ADK: variants seen among roughly 807,000 people sequenced by gnomAD.
The protein encoded by ADK is N6,N6-dimethyladenosine kinase.
In ADK, 24 loss-of-function variants were observed where a neutral mutation model predicts 44.7. That is an observed-to-expected ratio of 0.54 (90% CI 0.39 to 0.76). The LOEUF (loss-of-function observed/expected upper bound fraction) is 0.76. ADK is among the 30% of genes least tolerant of loss of function. The pLI is 0.00. For synonymous variants in ADK, 128 were observed against 142.6 expected, an observed-to-expected ratio of 0.90 and a Z score of 0.73; for missense variants, 321 against 425.1, an observed-to-expected ratio of 0.76 and a Z score of 2.15.
chr10:74,356,443 C>T (rs1300857566), intron 4 of ADK, among the ~76,000 whole-genome samples: 3 of 152,098 alleles, frequency 2.0e-5, no homozygotes, highest in East Asian at 3.8e-4. Context: ...TTAAAATCAC[C>T]GTGAAATAGA....
At chr10:74,191,731 T>C (rs538398702) in intron 1 of ADK, among the ~76,000 whole-genome samples, 4 of 152,222 alleles carry the variant, frequency 2.6e-5, no homozygotes, top group Admixed American at 6.5e-5. Flanking sequence ...GATTTCGGTG[T>C]TATACAATAG....
intron 6 of ADK, among the ~76,000 whole-genome samples, chr10:74,442,411 C>T (rs1381029748): frequency 2.0e-5 from 3 of 152,108 alleles, no homozygotes; most frequent in Non-Finnish European, 2.9e-5. Context: ...TGTGGAAGGC[C>T]GAAGTGGGCG....
intron 7 of ADK, among the ~76,000 whole-genome samples, chr10:74,566,983 T>C (rs952059639): frequency 3.3e-5 from 5 of 152,334 alleles, no homozygotes; most frequent in East Asian, 1.9e-4. Flanking sequence ...TTTATGGTCA[T>C]TGAATTTTAG....
chr10:74,445,656 T>C (rs1330589244), intron 6 of ADK, among the ~76,000 whole-genome samples: 1 of 151,992 alleles, frequency 6.6e-6, no homozygotes, highest in South Asian at 2.1e-4. Context: ...CCCACAATTA[T>C]ATAGGTAGTT....
At chr10:74,353,390 C>T (rs1468410125) in intron 4 of ADK, among the ~76,000 whole-genome samples, 18 of 151,932 alleles carry the variant, frequency 1.2e-4, no homozygotes, top group Admixed American at 1.2e-3. Flanking sequence ...TGGAGCATAA[C>T]ATACCTGGGC....
intron 3 of ADK, among the ~76,000 whole-genome samples, chr10:74,277,603 G>C (rs1394542001): frequency 6.6e-6 from 1 of 151,968 alleles, no homozygotes; most frequent in Non-Finnish European, 1.5e-5. Context: ...GTTTCACCAT[G>C]TTAGCCCGGA....
chr10:74,635,361 A>G (rs1268159907), intron 9 of ADK, among the ~76,000 whole-genome samples: 5 of 152,232 alleles, frequency 3.3e-5, no homozygotes, highest in Admixed American at 6.5e-5. Flanking sequence ...CCAGAATTCT[A>G]TCTCCAGCAA....
chr10:74,655,447 C>G (rs1345423149), intron 9 of ADK: 1 of 449,994 alleles, frequency 2.2e-6, no homozygotes, highest in Non-Finnish European at 4.4e-6. Context: ...TCATTGATGA[C>G]CCTGGGCTGA....
chr10:74,636,838 T>C (rs1853636856), intron 9 of ADK, among the ~76,000 whole-genome samples: 1 of 152,176 alleles, frequency 6.6e-6, no homozygotes, highest in African/African-American at 2.4e-5. Context: ...AAGAACAACA[T>C]TCTAGCCAGA....
intron 3 of ADK, 103 bp from the exon 4 acceptor site, chr10:74,314,564 A>G (rs1840552135): frequency 2.8e-6 from 2 of 725,150 alleles, no homozygotes; most frequent in East Asian, 5.4e-5. Context: ...AACAATAAAA[A>G]CATTTTACTA....
At chr10:74,568,838 CAT>C (rs1019204220) in intron 7 of ADK, among the ~76,000 whole-genome samples, 23 of 152,014 alleles carry the variant, frequency 1.5e-4, no homozygotes, top group African/African-American at 5.3e-4. Context: ...AGGTTAGTTA[CAT>C]ATGTATACGT....
Position 74,431,066 on chromosome 10 carries a change from C to CAAAAAAAA in ADK, c.555+32505_555+32512dup, listed in dbSNP as rs35141788. Among the ~76,000 whole-genome samples the CAAAAAAAA allele has an allele frequency of 3.5e-5, 2 of 57,236 alleles. 1 individual carries two copies. The highest frequency in any genetic ancestry group is 5.9e-5 in the Non-Finnish European group (2 of 33,876). 37.5% of individuals were successfully genotyped at this position (57,236 alleles called of 152,430 possible). ...TGGGCGACAGAGCGAGACTCCGTCT[C>CAAAAAAAA]AAAAAAAAAAAAAAAAAAAAAAAAA... is the stretch of plus-strand genomic sequence containing the variant. On this transcript the variant is annotated intron_variant, in intron 6 of 10. Transcript: ENST00000539909.
intron 6 of ADK, among the ~76,000 whole-genome samples, chr10:74,452,270 A>G (rs1845805409): frequency 6.6e-6 from 1 of 152,052 alleles, no homozygotes; most frequent in Non-Finnish European, 1.5e-5. Flanking sequence ...GAAAATAGGC[A>G]TTTATTCTAC....
chr10:74,532,374 A>T (rs1321890833), intron 7 of ADK, among the ~76,000 whole-genome samples: 1 of 150,854 alleles, frequency 6.6e-6, no homozygotes, highest in African/African-American at 2.4e-5. Context: ...GCTACTTGGG[A>T]GGCTGAGGCA....
intron 9 of ADK, among the ~76,000 whole-genome samples, chr10:74,631,579 A>G (rs1369098547): frequency 6.6e-6 from 1 of 151,952 alleles, no homozygotes; most frequent in Non-Finnish European, 1.5e-5. Flanking sequence ...TTTTTAAAAC[A>G]TGAGTACACA....
At chr10:74,665,245 GAAAC>G (rs1021110177) in intron 9 of ADK, among the ~76,000 whole-genome samples, 5 of 152,042 alleles carry the variant, frequency 3.3e-5, no homozygotes, top group Non-Finnish European at 7.4e-5. Flanking sequence ...TTTTTTAAAA[GAAAC>G]AAACAAAAAC....
chr10:74,490,018 A>G (rs1212016076), intron 6 of ADK, among the ~76,000 whole-genome samples: 3 of 80,942 alleles, frequency 3.7e-5, no homozygotes, highest in African/African-American at 1.1e-4. Flanking sequence ...ATAGTGTTTG[A>G]GCCCATCATT....
chr10:74,434,979 G>A (rs1344283388), intron 6 of ADK, among the ~76,000 whole-genome samples: 1 of 152,138 alleles, frequency 6.6e-6, no homozygotes, highest in Non-Finnish European at 1.5e-5. Flanking sequence ...CACTATATAT[G>A]GGTCTATGTT....
chr10:74,612,889 TTCA>T (rs1265973122), intron 9 of ADK, among the ~76,000 whole-genome samples: 12 of 152,270 alleles, frequency 7.9e-5, no homozygotes, highest in Non-Finnish European at 1.3e-4. Flanking sequence ...TGAGTGTCCT[TTCA>T]TCACTATTTA....
Sources: allele counts gnomAD v4.1 joint callset (sites outside exome capture counted in the v4.1 genomes callset), GRCh38; gene constraint gnomAD v4.1.1; transcripts MANE v1.5; gene names NCBI Gene and HGNC (gene_info 2026-07-23, HGNC 2026-07-21).